JRK: variants seen among roughly 807,000 people sequenced by gnomAD.
JRK encodes the protein jerky protein homolog.
For synonymous variants in JRK, 303 were observed against 218.1 expected (o/e 1.39, Z -3.43); for missense variants, 720 against 509.2 (o/e 1.41, Z -3.98).
At chr8:142,653,466 TG>T (rs1434077514), downstream of JRK, among the ~76,000 whole-genome samples, 2 of 152,102 alleles carry the variant, frequency 1.3e-5, no homozygotes, top group Non-Finnish European at 2.9e-5. Context: ...CTTGACCTCC[TG>T]GGCTCAAGCA....
At chr8:142,669,480 G>A (rs1847252796) in intron 1 of JRK, among the ~76,000 whole-genome samples, 1 of 152,172 alleles carries the variant, frequency 6.6e-6, no homozygotes, top group African/African-American at 2.4e-5. Flanking sequence ...CAGGGTCCCC[G>A]TTTGTGGGTA....
Position 142,666,016 on chromosome 8 carries a change from G to T in JRK, c.43C>A (p.Arg15=). The change falls in exon 2 of 2, where the codon CGG becomes AGG. Residue 15 remains arginine, a synonymous_variant. Coordinates refer to ENST00000612905, the MANE Select transcript of JRK (RefSeq NM_003724.4). ...PAAGKSRGEK[R]KRVVLTLKEK... ...TTCAGTGTCAGCACCACCCTCTTCC[G>T]CTTCTCCCCTCTGCTCTTCCCGGCA... The T allele has an allele frequency of 6.7e-7, 1 of 1,489,426 alleles. No individual in the cohort carries two copies. Among genetic ancestry groups the T allele is most frequent in the African/African-American group, 1.4e-5 (1 of 72,758 alleles). The allele number at this position is 1,489,426 out of a possible 1,614,324, so 92.3% of individuals were successfully genotyped here.
chr8:142,664,727 T>G lies in JRK; in HGVS notation c.1332A>C (p.Gly444=). 1 of 1,602,704 alleles carries G rather than the reference T, an allele frequency of 6.2e-7. No homozygotes were observed. The highest frequency in any genetic ancestry group is 8.5e-7 in the Non-Finnish European group (1 of 1,175,334). Residue 444 remains glycine (G), a synonymous_variant, in exon 2 of 2, where the codon GGA becomes GGC. Coordinates refer to ENST00000612905, the MANE Select transcript of JRK (RefSeq NM_003724.4). ...QRQAASWGVA[G]REAEGGRPPA... ...GGGGCCGTCCCCCTTCTGCCTCCCT[T>G]CCCGCTACCCCCCAGCTGGCGGCCT...
At chr8:142,644,483 T>C in the JRK span, among the ~76,000 whole-genome samples, 7 of 152,284 alleles carry the variant, frequency 4.6e-5, no homozygotes, top group African/African-American at 1.4e-4. Flanking sequence ...TGACAACACT[T>C]CCTATATAAT....
chr8:142,661,493 C>A lies in JRK; in HGVS notation c.*2859G>T. 1.0e-6 allele frequency: 1 copy of A among 985,540 alleles called. No homozygotes were observed. The highest frequency in any genetic ancestry group is 1.2e-6 in the Non-Finnish European group (1 of 830,006). 61.0% of individuals were successfully genotyped at this position (985,540 alleles called of 1,614,324 possible). The stretch of plus-strand genomic sequence containing the variant: ...AGAGGTTCTATTAGCAGGCTGGAAG[C>A]AGCCACAGAGGTCCCAAACCATATG... On this transcript the variant is annotated 3_prime_UTR_variant, in exon 2 of 2. Coordinates refer to ENST00000612905, the MANE Select transcript of JRK (RefSeq NM_003724.4).
Position 142,660,725 on chromosome 8 carries a change from G to A in JRK, c.*3627C>T. The A allele has an allele frequency of 1.0e-6, 1 of 985,492 alleles. No homozygotes were observed. Among genetic ancestry groups the A allele is most frequent in the Non-Finnish European group, 1.2e-6 (1 of 829,998 alleles). 61.0% of individuals were successfully genotyped at this position (985,492 alleles called of 1,614,324 possible). ...ATCCCCAATAAGCACATTTATGTGGGGCGTGAGGTGAGGTCCCTGAGGTGC... is the reference window on the plus strand; with the variant it reads ...ATCCCCAATAAGCACATTTATGTGGAGCGTGAGGTGAGGTCCCTGAGGTGC... On this transcript the variant is annotated 3_prime_UTR_variant, in exon 2 of 2. Coordinates refer to ENST00000612905, the MANE Select transcript of JRK (RefSeq NM_003724.4).
chr8:142,652,796 T>C (rs930159353), downstream of JRK, among the ~76,000 whole-genome samples: 1 of 152,226 alleles, frequency 6.6e-6, no homozygotes, highest in South Asian at 2.1e-4. Context: ...AGGTGACCTA[T>C]AGCTGGAGAA....
At chr8:142,644,940 T>C in the JRK span, among the ~76,000 whole-genome samples, 5 of 152,232 alleles carry the variant, frequency 3.3e-5, no homozygotes, top group Admixed American at 2.0e-4. Context: ...GTCCATGTGC[T>C]GGTCTTGCAT....
chr8:142,666,566 G>A (rs1293472989), intron 1 of JRK, 46 bp from the exon 2 acceptor site: 3 of 233,668 alleles, frequency 1.3e-5, no homozygotes, highest in East Asian at 1.0e-4. Context: ...GGCGCGCCCA[G>A]GACACACATG....
chr8:142,658,887 T>G lies in JRK; in HGVS notation c.*5465A>C. On this transcript the variant is annotated 3_prime_UTR_variant, in exon 2 of 2. Transcript: ENST00000612905. Reference sequence around the variant, plus strand: ...TCTGTAGAGGCCTCCAGGCAGCACTTAGGAATTGCCAACTCCTCTGGTGAG... The same window carrying G: ...TCTGTAGAGGCCTCCAGGCAGCACTGAGGAATTGCCAACTCCTCTGGTGAG... The G allele has an allele frequency of 6.2e-7, 1 of 1,613,630 alleles. No individual in the cohort carries two copies. The highest frequency in any genetic ancestry group is 8.5e-7 in the Non-Finnish European group (1 of 1,179,772).
the JRK span, among the ~76,000 whole-genome samples, chr8:142,645,981 C>CT: frequency 1.4e-5 from 2 of 139,148 alleles, no homozygotes; most frequent in East Asian, 2.1e-4. Context: ...AATTGCTCAC[C>CT]TTTTTTTAAA....
At chr8:142,668,194 G>A (rs1280260619) in intron 1 of JRK, among the ~76,000 whole-genome samples, 3 of 152,230 alleles carry the variant, frequency 2.0e-5, no homozygotes, top group Non-Finnish European at 2.9e-5. Context: ...CATGCAGAGC[G>A]TGTGGCCAAA....
At position 142,664,639 on chromosome 8, in the gene JRK, C is replaced by G. The variant is rs782736860; in HGVS notation, c.1420G>C (p.Asp474His). 1 of 1,611,622 alleles carries G rather than the reference C, an allele frequency of 6.2e-7. No individual in the cohort carries two copies. The change falls in exon 2 of 2, where the codon GAC becomes CAC. Residue 474 changes from aspartate to histidine, a missense_variant. Coordinates refer to ENST00000612905, the MANE Select transcript of JRK (RefSeq NM_003724.4). Reference sequence around the variant, plus strand: ...CCCTCACCAGGATCTCCTCTGCCGTCCTGGTCAGCTTTCGGAGTCTTTTCT... The same window carrying G: ...CCCTCACCAGGATCTCCTCTGCCGTGCTGGTCAGCTTTCGGAGTCTTTTCT... Reference protein sequence around the residue: ...SSEKTPKADQDGRGDPGEGEE... With the variant: ...SSEKTPKADQHGRGDPGEGEE...
At chr8:142,650,638 C>T in the JRK span, among the ~76,000 whole-genome samples, 1 of 152,212 alleles carries the variant, frequency 6.6e-6, no homozygotes, top group Non-Finnish European at 1.5e-5. Context: ...ATGTGACTTG[C>T]TCCTCCTTGC....
Position 142,664,960 on chromosome 8 carries a change from C to A in JRK, c.1099G>T (p.Ala367Ser). 3 of 763,386 alleles carry A rather than the reference C, an allele frequency of 3.9e-6. No individual in the cohort carries two copies. In the South Asian group the frequency reaches 4.3e-5, roughly 11 times the overall value. 47.3% of individuals were successfully genotyped at this position (763,386 alleles called of 1,614,324 possible). A position where few individuals can be genotyped will look rare whatever the true frequency, so the allele number is the denominator to read the frequency against. Residue 367 changes from alanine to serine, a missense_variant, in exon 2 of 2, where the codon GCC (alanine) becomes TCC (serine). Physicochemically the swap from Ala to Ser is moderately conservative, Grantham distance 99. Transcript: ENST00000612905. ...YNMNDAIFSV[A>S]CAWNAVPSHV... ...CTAGGGACTGCGTTCCAGGCACAGG[C>A]CACGCTGAATATGGCATCGTTCATG...
In JRK at chr8:142,659,179, C is replaced by T. The variant is rs782346285; in HGVS notation, c.*5173G>A. 4 of 1,309,340 alleles carry T rather than the reference C, an allele frequency of 3.1e-6. No individual in the cohort carries two copies. The highest frequency in any genetic ancestry group is 3.9e-6 in the Non-Finnish European group (4 of 1,025,146). The allele number at this position is 1,309,340 out of a possible 1,614,324, so 81.1% of individuals were successfully genotyped here. On this transcript the variant is annotated 3_prime_UTR_variant, in exon 2 of 2. Transcript: ENST00000612905. ...CCTCCCACTGAGCCTCATGGTCACC[C>T]CAGAGGACAGGCCTTCCTTTCACAC...
At chr8:142,652,433 G>A in the JRK span, among the ~76,000 whole-genome samples, 29 of 152,296 alleles carry the variant, frequency 1.9e-4, 1 homozygote, top group East Asian at 4.6e-3. Context: ...CTGGAAAGGC[G>A]GGACAACTCA....
chr8:142,667,899 G>C (rs891268310), intron 1 of JRK, among the ~76,000 whole-genome samples: 1 of 152,192 alleles, frequency 6.6e-6, no homozygotes, highest in African/African-American at 2.4e-5. Flanking sequence ...CACCCGAGCC[G>C]ACTGGCAGGG....
chr8:142,668,376 A>G (rs1171821612), intron 1 of JRK, among the ~76,000 whole-genome samples: 3 of 152,132 alleles, frequency 2.0e-5, no homozygotes, highest in African/African-American at 7.2e-5. Context: ...GGTCTGCAAA[A>G]TGTGGGCTGG....
Sources: gnomAD v4.1 joint callset for allele counts (sites outside exome capture counted in the v4.1 genomes callset) on GRCh38, gnomAD v4.1.1 for gene constraint, MANE v1.5 for transcripts, NCBI Gene and HGNC (gene_info 2026-07-23, HGNC 2026-07-21) for gene names.